Variants in DPY19L2 observed in about 807,000 individuals in gnomAD.
DPY19L2 encodes probable C-mannosyltransferase DPY19L2.
Under a neutral mutation model 97.9 loss-of-function variants are expected in DPY19L2, and 34 were observed. The observed-to-expected ratio is 0.35, with a 90% confidence interval of 0.26 to 0.46. DPY19L2 has a LOEUF of 0.46. DPY19L2 is among the 20% of genes least tolerant of loss of function. The pLI is 1.00. For synonymous variants in DPY19L2, 230 were observed against 307.9 expected (o/e 0.75, Z 2.65); for missense variants, 623 against 911.4 (o/e 0.68, Z 4.07).
intron 15 of DPY19L2, among the ~76,000 whole-genome samples, chr12:63,594,699 C>A (rs141960319): frequency 0.029 from 4,460 of 151,830 alleles, 102 homozygotes; most frequent in Middle Eastern, 0.082. Context: ...AGTGCACATG[C>A]ATAGTTCAGG....
At chr12:63,657,202 A>G (rs1644115640) in intron 4 of DPY19L2, among the ~76,000 whole-genome samples, 1 of 152,166 alleles carries the variant, frequency 6.6e-6, no homozygotes. Flanking sequence ...GTGTTAATCT[A>G]GTTAGGGTGG....
chr12:63,655,742 G>A (rs80200809), intron 4 of DPY19L2, among the ~76,000 whole-genome samples: 30,037 of 149,292 alleles, frequency 0.2, 3,350 homozygotes, highest in East Asian at 0.44. Context: ...ATAAGGAAGG[G>A]TCGGGGGGTG....
intron 6 of DPY19L2, among the ~76,000 whole-genome samples, chr12:63,636,245 C>G (rs1891667334): frequency 6.6e-6 from 1 of 152,096 alleles, no homozygotes; most frequent in Non-Finnish European, 1.5e-5. Flanking sequence ...TTTGTCACCA[C>G]CAGGCCTGCC....
intron 6 of DPY19L2, among the ~76,000 whole-genome samples, chr12:63,635,446 G>A (rs757291344): frequency 6.6e-5 from 10 of 152,170 alleles, no homozygotes; most frequent in Non-Finnish European, 1.5e-4. Flanking sequence ...ACTTTGACAA[G>A]TTGAGAGAAG....
chr12:63,655,078 T>C (rs1025885951), intron 4 of DPY19L2, among the ~76,000 whole-genome samples: 1 of 152,072 alleles, frequency 6.6e-6, no homozygotes, highest in East Asian at 1.9e-4. Flanking sequence ...AAGCCATATA[T>C]ATGAAAAATA....
chr12:63,578,854 C>G (rs1880361784), intron 19 of DPY19L2, among the ~76,000 whole-genome samples: 2 of 152,014 alleles, frequency 1.3e-5, no homozygotes. Flanking sequence ...TTTTCGATGT[C>G]ATGCTATGGG....
chr12:63,561,836 A>T (rs1025495333), intron 21 of DPY19L2, among the ~76,000 whole-genome samples: 4 of 152,020 alleles, frequency 2.6e-5, no homozygotes, highest in Non-Finnish European at 5.9e-5. Context: ...TGTATGATTA[A>T]GTGTGGATTT....
At chr12:63,627,365 T>C (rs1437811360) in intron 6 of DPY19L2, among the ~76,000 whole-genome samples, 1 of 152,102 alleles carries the variant, frequency 6.6e-6, no homozygotes, top group Non-Finnish European at 1.5e-5. Flanking sequence ...TTTGTTTTGT[T>C]TTGAGACAGA....
At position 63,663,830 on chromosome 12, in the gene DPY19L2, T is replaced by C. The variant is rs376010768; in HGVS notation, c.378A>G (p.Thr126=). Residue 126 remains threonine, a synonymous_variant, in exon 3 of 22, where the codon ACA becomes ACG. Coordinates refer to ENST00000324472, the MANE Select transcript of DPY19L2 (RefSeq NM_173812.5). The part of the protein sequence containing the change: ...VAILHWLHLV[T]LFENDRHFSH... ...AGAAATGACGATCATTTTCAAAAAG[T>C]GTTACTAAATGTAACCTAGAAAAAA... The C allele has an allele frequency of 6.2e-7, 1 of 1,602,758 alleles. No individual in the cohort carries two copies. The highest frequency in any genetic ancestry group is 1.3e-5 in the African/African-American group (1 of 74,208).
At chr12:63,667,878 CTA>C (rs1244702965) in intron 1 of DPY19L2, among the ~76,000 whole-genome samples, 177 bp downstream of exon 1, 2 of 152,132 alleles carry the variant, frequency 1.3e-5, no homozygotes, top group African/African-American at 4.8e-5. Flanking sequence ...AATATACTCC[CTA>C]TCTCTCTCTC....
intron 5 of DPY19L2, among the ~76,000 whole-genome samples, chr12:63,645,086 A>G (rs1461837772): frequency 2.0e-5 from 3 of 150,466 alleles, no homozygotes; most frequent in African/African-American, 4.9e-5. Context: ...ATAGAAGATC[A>G]TGTGTGTGTG....
chr12:63,634,650 A>G (rs12298154), intron 6 of DPY19L2, among the ~76,000 whole-genome samples: 105,372 of 152,016 alleles, frequency 0.69, 37,107 homozygotes, highest in African/African-American at 0.8. Flanking sequence ...CACATGGCTC[A>G]GAAGGTCCCA....
At position 63,645,828 on chromosome 12, in the gene DPY19L2, G is replaced by A. The variant is rs568783421; in HGVS notation, c.710-1332C>T. The stretch of plus-strand genomic sequence containing the variant: ...ACCTGGCCTCCCTTAACCTACTTTT[G>A]TTCCTTTACTAATATTTTTTCCATA... On this transcript the variant is annotated intron_variant, in intron 5 of 21. Coordinates refer to ENST00000324472, the MANE Select transcript of DPY19L2 (RefSeq NM_173812.5). 2.0e-5 allele frequency among the ~76,000 whole-genome samples: 3 copies of A among 151,984 alleles called. No homozygotes were observed. The South Asian group carries it at 6.2e-4, about 32-fold the overall frequency.
At chr12:63,632,008 TCAA>T (rs1480119433) in intron 6 of DPY19L2, among the ~76,000 whole-genome samples, 1 of 152,100 alleles carries the variant, frequency 6.6e-6, no homozygotes, top group East Asian at 1.9e-4. Flanking sequence ...TTGACAAAAT[TCAA>T]CAACCCCTCA....
intron 15 of DPY19L2, among the ~76,000 whole-genome samples, chr12:63,594,647 CGTGTCTGTGT>C (rs1346683097): frequency 0.019 from 2,369 of 124,264 alleles, 70 homozygotes; most frequent in African/African-American, 0.083. Context: ...CGTGTGTGTG[CGTGTCTGTGT>C]GTGTGTGTGT....
chr12:63,628,942 A>G (rs1890087616), intron 6 of DPY19L2, among the ~76,000 whole-genome samples: 1 of 151,862 alleles, frequency 6.6e-6, no homozygotes, highest in Admixed American at 6.6e-5. Flanking sequence ...CACTGCTGAT[A>G]CCCACGCAAA....
chr12:63,595,031 G>A (rs992413101), intron 15 of DPY19L2, among the ~76,000 whole-genome samples: 19 of 152,184 alleles, frequency 1.2e-4, no homozygotes, highest in African/African-American at 4.3e-4. Flanking sequence ...GTGGTCTGCA[G>A]GGAACTGGAT....
intron 4 of DPY19L2, among the ~76,000 whole-genome samples, chr12:63,652,574 C>T (rs1439037461): frequency 6.6e-6 from 1 of 152,096 alleles, no homozygotes; most frequent in East Asian, 1.9e-4. Context: ...TACATATACC[C>T]CATGAATATT....
intron 7 of DPY19L2, among the ~76,000 whole-genome samples, chr12:63,626,089 GTAACT>G (rs201806163): frequency 0.28 from 41,392 of 150,120 alleles, 6,333 homozygotes; most frequent in African/African-American, 0.41. Context: ...ATGTGGATAA[GTAACT>G]TAACTTTCTC....
Sources: gnomAD v4.1 joint callset for allele counts (sites outside exome capture counted in the v4.1 genomes callset) on GRCh38, gnomAD v4.1.1 for gene constraint, MANE v1.5 for transcripts, NCBI Gene and HGNC (gene_info 2026-07-23, HGNC 2026-07-21) for gene names.